The following ARID4A variants were observed in gnomAD, a reference collection of about 807,000 sequenced individuals.
ARID4A encodes the protein AT-rich interaction domain 4A.
A neutral mutation model predicts 148.6 loss-of-function variants in ARID4A; 39 were observed. The ratio of observed to expected loss-of-function variants is 0.26; its 90% CI spans 0.20 to 0.34. ARID4A has a LOEUF of 0.34. ARID4A is among the 10% of genes least tolerant of loss of function. ARID4A has a pLI of 1.00. For missense variants in ARID4A, 1,265 were observed against 1,449.1 expected (o/e 0.87, Z 2.06); for synonymous variants, 475 against 481.2 (o/e 0.99, Z 0.17).
At chr14:58,309,111 T>G (rs1233572041) in intron 5 of ARID4A, among the ~76,000 whole-genome samples, 1 of 152,184 alleles carries the variant, frequency 6.6e-6, no homozygotes, top group African/African-American at 2.4e-5. Flanking sequence ...AATGGTTTAT[T>G]TCTTGTTTGT....
intron 11 of ARID4A, among the ~76,000 whole-genome samples, chr14:58,337,268 A>ATATATAT (rs1422819457): frequency 1.4e-4 from 19 of 133,860 alleles, no homozygotes; most frequent in East Asian, 4.3e-4. Context: ...ATATATATAT[A>ATATATAT]ATTAAAACCG....
At chr14:58,318,830 A>G in intron 7 of ARID4A, 25 bp downstream of exon 7, 1 of 1,553,848 alleles carries the variant, frequency 6.4e-7, no homozygotes, top group Non-Finnish European at 8.9e-7. Flanking sequence ...ATATGGTATC[A>G]TTTTAATTAC....
chr14:58,365,544 A>C lies in ARID4A; in HGVS notation c.3238A>C (p.Ser1080Arg). Residue 1080 changes from serine to arginine, a missense_variant, in exon 21 of 24, where the codon AGT becomes CGT. Physicochemically the swap from Ser to Arg is moderately radical, Grantham distance 110. Around this residue, in one of 9 missense-constraint regions of ARID4A, gnomAD observed 666 missense variants for 730.9 expected, o/e 0.91. Transcript: ENST00000355431. ...TCAGAAGAGGCCAAGTGATGGAAAT[A>C]GTGGATTAATGGCAAAAAAGCAAAA... The part of the protein sequence containing the change: ...KGQKRPSDGN[S>R]GLMAKKQKRT... 3 of 1,590,494 alleles carry C rather than the reference A, an allele frequency of 1.9e-6. No homozygotes were observed. Among genetic ancestry groups the C allele is most frequent in the Non-Finnish European group, 2.6e-6 (3 of 1,172,984 alleles).
chr14:58,348,132 G>C (rs1464241718), intron 15 of ARID4A, among the ~76,000 whole-genome samples: 3 of 151,962 alleles, frequency 2.0e-5, no homozygotes, highest in Non-Finnish European at 4.4e-5. Flanking sequence ...TCCTTTTCCA[G>C]TCTTCTGCTA....
intron 14 of ARID4A, 113 bp from the exon 15 acceptor site, chr14:58,347,534 C>A: frequency 1.3e-6 from 1 of 797,562 alleles, no homozygotes; most frequent in Non-Finnish European, 1.9e-6. Flanking sequence ...AAAAGAGTAA[C>A]AAAAATTTTT....
chr14:58,329,527 G>A lies in ARID4A; in HGVS notation c.663-1G>A. 6.3e-7 allele frequency: 1 copy of A among 1,584,574 alleles called. No individual in the cohort carries two copies. Among genetic ancestry groups the A allele is most frequent in the Non-Finnish European group, 8.7e-7 (1 of 1,154,164 alleles). ...TTCCTCCCCTTCTTCTTGATAATTA[G>A]TTACTCTATAGCAAGAAAGGACATT... On this transcript the variant is annotated splice_acceptor_variant, in intron 9 of 23. Coordinates refer to ENST00000355431, the MANE Select transcript of ARID4A (RefSeq NM_002892.4). LOFTEE classifies it high-confidence loss of function.
chr14:58,348,231 T>A (rs2034466931), intron 15 of ARID4A, among the ~76,000 whole-genome samples: 1 of 152,162 alleles, frequency 6.6e-6, no homozygotes, highest in Non-Finnish European at 1.5e-5. Context: ...CCCTCTGATG[T>A]TGTTCTTTCT....
intron 11 of ARID4A, among the ~76,000 whole-genome samples, chr14:58,338,985 G>A (rs2033973176): frequency 8.3e-6 from 1 of 120,680 alleles, no homozygotes; most frequent in Admixed American, 9.8e-5. Flanking sequence ...TTTTTTTTTG[G>A]AGACACAGTC....
chr14:58,304,301 G>T (rs2031432614), intron 3 of ARID4A, among the ~76,000 whole-genome samples: 1 of 152,026 alleles, frequency 6.6e-6, no homozygotes, highest in African/African-American at 2.4e-5. Flanking sequence ...TTCAAATTTG[G>T]TATTGTGGCT....
At chr14:58,319,948 CTTTTTTT>C (rs1011938946) in intron 7 of ARID4A, among the ~76,000 whole-genome samples, 3 of 127,188 alleles carry the variant, frequency 2.4e-5, no homozygotes, top group African/African-American at 8.5e-5. Flanking sequence ...TTTTTCTTTT[CTTTTTTT>C]TTTTTTTTTT....
At position 58,372,021 on chromosome 14, in the gene ARID4A, C is replaced by A. The variant is rs760829879; in HGVS notation, c.*32C>A. On this transcript the variant is annotated 3_prime_UTR_variant, in exon 24 of 24. Coordinates refer to ENST00000355431, the MANE Select transcript of ARID4A (RefSeq NM_002892.4). ...TTTTCTCTACCTTCCCAGCAGTTTG[C>A]TGCCATGGACATAAATCCCCAAACC... is the stretch of plus-strand genomic sequence containing the variant. 2 of 1,465,106 alleles carry A rather than the reference C, an allele frequency of 1.4e-6. No individual in the cohort carries two copies. Among genetic ancestry groups the A allele is most frequent in the Non-Finnish European group, 1.9e-6 (2 of 1,048,590 alleles). 90.8% of individuals were successfully genotyped at this position (1,465,106 alleles called of 1,614,324 possible).
chr14:58,302,219 C>T (rs539757774), intron 3 of ARID4A, among the ~76,000 whole-genome samples: 5 of 152,186 alleles, frequency 3.3e-5, no homozygotes, highest in South Asian at 2.1e-4. Flanking sequence ...TTAGACCCGG[C>T]GCGGTGACTC....
intron 19 of ARID4A, among the ~76,000 whole-genome samples, chr14:58,361,476 A>G (rs2035128575): frequency 6.6e-6 from 1 of 152,202 alleles, no homozygotes; most frequent in Non-Finnish European, 1.5e-5. Context: ...CATCACTGTT[A>G]TTCTTGACTC....
intron 7 of ARID4A, among the ~76,000 whole-genome samples, chr14:58,319,254 A>G (rs2032684825): frequency 6.6e-6 from 1 of 150,446 alleles, no homozygotes; most frequent in Non-Finnish European, 1.5e-5. Context: ...TTTTTAGTAG[A>G]GATGGGGTTT....
chr14:58,299,806 A>G lies in ARID4A; in HGVS notation c.-49A>G. On this transcript the variant is annotated 5_prime_UTR_variant, in exon 2 of 24. Coordinates refer to ENST00000355431, the MANE Select transcript of ARID4A (RefSeq NM_002892.4). ...TTTCCCCCTCCCCATAGTTCTAGCG[A>G]CTGCGAAGATAGCTCGCTGAGCTGG... The G allele has an allele frequency of 6.2e-7, 1 of 1,614,086 alleles. No individual in the cohort carries two copies. The highest frequency in any genetic ancestry group is 8.5e-7 in the Non-Finnish European group (1 of 1,179,956).
Position 58,347,578 on chromosome 14 carries a change from T to C in ARID4A, c.1173-69T>C, listed in dbSNP as rs1156309887. The C allele has an allele frequency of 4.0e-6, 5 of 1,245,190 alleles. No homozygotes were observed. In the African/African-American group the frequency reaches 7.6e-5, roughly 19 times the overall value. The allele number at this position is 1,245,190 out of a possible 1,614,324, so 77.1% of individuals were successfully genotyped here. On this transcript the variant is annotated intron_variant, in intron 14 of 23. Coordinates refer to ENST00000355431, the MANE Select transcript of ARID4A (RefSeq NM_002892.4). ...CTGGGCTTTACTTTTTAAAAATGTG[T>C]TTAATAACATGAATTCAAGTTAGAT...
intron 5 of ARID4A, among the ~76,000 whole-genome samples, chr14:58,314,320 C>T (rs2032259682): frequency 6.6e-6 from 1 of 152,158 alleles, no homozygotes; most frequent in Non-Finnish European, 1.5e-5. Context: ...TAGATGAGAG[C>T]TCTAAGATGG....
chr14:58,323,172 A>G (rs78832358), intron 7 of ARID4A, among the ~76,000 whole-genome samples: 2 of 151,254 alleles, frequency 1.3e-5, no homozygotes, highest in Non-Finnish European at 2.9e-5. Context: ...AAAAAAAAAA[A>G]GTATTTGGCA....
chr14:58,372,068 C>T lies in ARID4A; in HGVS notation c.*79C>T, dbSNP rs781645739. On this transcript the variant is annotated 3_prime_UTR_variant, in exon 24 of 24. Coordinates refer to ENST00000355431, the MANE Select transcript of ARID4A (RefSeq NM_002892.4). ...AACCCTGAATTACAACCACAGAAAG[C>T]ACTCAACTGGTTTGACATTGCTAAG... The T allele has an allele frequency of 4.0e-6, 4 of 1,012,492 alleles. No homozygotes were observed. The highest frequency in any genetic ancestry group is 2.7e-5 in the South Asian group (2 of 73,774). The allele number at this position is 1,012,492 out of a possible 1,614,324, so 62.7% of individuals were successfully genotyped here.
Sources: gnomAD v4.1 joint callset for allele counts (sites outside exome capture counted in the v4.1 genomes callset) on GRCh38, gnomAD v4.1.1 for gene constraint, gnomAD v4.1.1 regional missense constraint, MANE v1.5 for transcripts, NCBI Gene and HGNC (gene_info 2026-07-23, HGNC 2026-07-21) for gene names.